Variants in RAD54L2 observed in about 807,000 individuals in gnomAD.
The protein encoded by RAD54L2 is RAD54 like 2.
Under a neutral mutation model 138.4 loss-of-function variants are expected in RAD54L2, and 27 were observed. The ratio of observed to expected loss-of-function variants is 0.20; its 90% CI spans 0.14 to 0.27. RAD54L2 has a LOEUF of 0.27. Among genes scored for constraint, RAD54L2 ranks in the 10% least tolerant of loss-of-function variants. The pLI is 1.00. For missense variants in RAD54L2, 1,396 were observed against 1,890.2 expected, an observed-to-expected ratio of 0.74 and a Z score of 4.85; for synonymous variants, 644 against 723.2, an observed-to-expected ratio of 0.89 and a Z score of 1.76.
chr3:51,584,780 G>C (rs1041687913), intron 2 of RAD54L2, among the ~76,000 whole-genome samples: 43 of 150,992 alleles, frequency 2.8e-4, no homozygotes, highest in African/African-American at 1.0e-3. Flanking sequence ...TGGACTGAAT[G>C]TTTTCCTGCT....
Position 51,645,790 on chromosome 3 carries a change from C to T in RAD54L2, c.2829+27C>T. On this transcript the variant is annotated intron_variant, in intron 18 of 22. Coordinates refer to ENST00000684192, the MANE Select transcript of RAD54L2 (RefSeq NM_015106.4). This position sits in a 1 kb window ranked among gnomAD's most constrained non-coding sequence, Gnocchi z 6.1. Reference sequence around the variant, plus strand: ...TAAGAACTTGGTATGCATGCAATCCCCAGAGTGGCAGTCTCTCTGTCAAAG... The same window carrying T: ...TAAGAACTTGGTATGCATGCAATCCTCAGAGTGGCAGTCTCTCTGTCAAAG... 6.3e-7 allele frequency: 1 copy of T among 1,580,380 alleles called. No individual in the cohort carries two copies.
intron 12 of RAD54L2, 140 bp from the exon 13 acceptor site, chr3:51,639,279 G>A: frequency 1.0e-6 from 1 of 1,002,718 alleles, no homozygotes; most frequent in Non-Finnish European, 1.5e-6. Flanking sequence ...TGGCTGTGAA[G>A]GGCTCTGACT....
rs976812280 is a variant in RAD54L2, at chr3:51,644,948, G to C, written c.2451-76G>C. ...AGGACAGAGTAATATTGGGGTAGAA[G>C]TCACAGAGGGCAAAACTGATTTGAA... On this transcript the variant is annotated intron_variant, in intron 16 of 22. Transcript: ENST00000684192. 32 of 1,485,356 alleles carry C rather than the reference G, an allele frequency of 2.2e-5. No individual in the cohort carries two copies. The African/African-American group carries it at 4.3e-4, about 20-fold the overall frequency. The allele number at this position is 1,485,356 out of a possible 1,614,324, so 92.0% of individuals were successfully genotyped here.
At chr3:51,628,181 G>A (rs1700739019) in intron 4 of RAD54L2, among the ~76,000 whole-genome samples, 1 of 151,942 alleles carries the variant, frequency 6.6e-6, no homozygotes, top group South Asian at 2.1e-4. Context: ...CCTTCTAAGA[G>A]CAAAAATGTG....
At chr3:51,566,480 T>G (rs1391913888) in intron 2 of RAD54L2, among the ~76,000 whole-genome samples, 2 of 134,980 alleles carry the variant, frequency 1.5e-5, no homozygotes, top group Admixed American at 7.5e-5. Context: ...TTTTTTTTTT[T>G]TTTTTTTTTT....
Position 51,645,626 on chromosome 3 carries a change from T to C in RAD54L2, c.2692T>C (p.Phe898Leu). 1 of 1,612,696 alleles carries C rather than the reference T, an allele frequency of 6.2e-7. No individual in the cohort carries two copies. The highest frequency in any genetic ancestry group is 8.5e-7 in the Non-Finnish European group (1 of 1,179,436). ...VVDDLNPMLN[F>L]TRKEVENLLH... is the part of the protein sequence containing the mutation. ...GGATGATCTAAATCCAATGCTGAACTTCACACGGAAAGAGGTGGAAAACCT... is the reference window on the plus strand; with the variant it reads ...GGATGATCTAAATCCAATGCTGAACCTCACACGGAAAGAGGTGGAAAACCT... The change falls in exon 18 of 23, where the codon TTC becomes CTC. Residue 898 changes from phenylalanine (F) to leucine (L), a missense_variant. Physicochemically the swap from Phe to Leu is conservative, Grantham distance 22. This residue lies in a region of RAD54L2 where 78 missense variants were observed against 171.6 expected (regional missense o/e 0.45). Transcript: ENST00000684192. This position sits in a 1 kb window ranked among gnomAD's most constrained non-coding sequence, Gnocchi z 6.1.
intron 19 of RAD54L2, among the ~76,000 whole-genome samples, chr3:51,651,032 A>G (rs1445596749): frequency 6.6e-6 from 1 of 152,084 alleles, no homozygotes; most frequent in Non-Finnish European, 1.5e-5. Context: ...AATAGATAGA[A>G]CACTAGCAAG....
intron 3 of RAD54L2, among the ~76,000 whole-genome samples, chr3:51,599,034 T>C (rs1700028819): frequency 6.6e-6 from 1 of 152,160 alleles, no homozygotes; most frequent in African/African-American, 2.4e-5. Flanking sequence ...CGGGGGGCAG[T>C]CTTGTGACTG....
In RAD54L2 at chr3:51,663,174, C is replaced by T. The variant is rs1286449567; in HGVS notation, c.4158C>T (p.Phe1386=). The T allele has an allele frequency of 6.2e-7, 1 of 1,614,030 alleles. No individual in the cohort carries two copies. The highest frequency in any genetic ancestry group is 8.5e-7 in the Non-Finnish European group (1 of 1,179,894). Residue 1386 remains phenylalanine (F), a synonymous_variant, in exon 23 of 23, where the codon TTC becomes TTT. Coordinates refer to ENST00000684192, the MANE Select transcript of RAD54L2 (RefSeq NM_015106.4). The stretch of plus-strand genomic sequence containing the variant: ...TACTACCCAGCTATTCACTCCCATT[C>T]TCACAGCCACTCCTGTCCGAGCCGA... The part of the protein sequence containing the change: ...PGILPSYSLP[F]SQPLLSEPRM...
chr3:51,554,275 G>A (rs1698911784), intron 2 of RAD54L2, among the ~76,000 whole-genome samples: 1 of 151,740 alleles, frequency 6.6e-6, no homozygotes, highest in Admixed American at 6.6e-5. Context: ...GCTGAGGCAG[G>A]AGAATCTCTT....
At chr3:51,616,361 A>C (rs1700441492) in intron 3 of RAD54L2, among the ~76,000 whole-genome samples, 1 of 152,102 alleles carries the variant, frequency 6.6e-6, no homozygotes, top group South Asian at 2.1e-4. Flanking sequence ...ATTCTTTTTA[A>C]ACGTGTTCAT....
At chr3:51,578,584 G>A (rs1699535103) in intron 2 of RAD54L2, among the ~76,000 whole-genome samples, 1 of 152,146 alleles carries the variant, frequency 6.6e-6, no homozygotes, top group Admixed American at 6.5e-5. Context: ...GGGAACTGGA[G>A]TACATGGGGA....
At chr3:51,609,353 T>A (rs1222844869) in intron 3 of RAD54L2, among the ~76,000 whole-genome samples, 1 of 152,228 alleles carries the variant, frequency 6.6e-6, no homozygotes, top group Non-Finnish European at 1.5e-5. Flanking sequence ...GCTTGCTTTA[T>A]CCCTTCTCTT....
intron 19 of RAD54L2, among the ~76,000 whole-genome samples, chr3:51,652,544 T>C (rs955158207): frequency 2.0e-5 from 3 of 152,172 alleles, no homozygotes; most frequent in African/African-American, 7.2e-5. Flanking sequence ...AAGGCTACGG[T>C]AACCAAAACA....
At chr3:51,558,459 T>TTCTCTCTCTCTC (rs71633077) in intron 2 of RAD54L2, among the ~76,000 whole-genome samples, 4 of 149,778 alleles carry the variant, frequency 2.7e-5, no homozygotes, top group East Asian at 3.9e-4. Flanking sequence ...GAAGGTCCAC[T>TTCTCTCTCTCTC]TCTCTCTCTC....
intron 3 of RAD54L2, among the ~76,000 whole-genome samples, chr3:51,620,259 T>TG (rs1300580439): frequency 8.5e-5 from 9 of 106,346 alleles, no homozygotes; most frequent in African/African-American, 4.0e-4. Flanking sequence ...GCTCAGCTAA[T>TG]TTTTTTTTTT....
At chr3:51,558,978 A>G (rs954619194) in intron 2 of RAD54L2, among the ~76,000 whole-genome samples, 4 of 152,048 alleles carry the variant, frequency 2.6e-5, no homozygotes, top group African/African-American at 7.2e-5. Flanking sequence ...CGTTTAAGCA[A>G]TTCTACTGCC....
intron 2 of RAD54L2, among the ~76,000 whole-genome samples, chr3:51,573,303 G>A (rs1427240212): frequency 1.3e-5 from 2 of 152,092 alleles, no homozygotes; most frequent in Non-Finnish European, 2.9e-5. Context: ...GAGGAAGAAG[G>A]AAAGAGACTC....
At chr3:51,624,947 T>C (rs1257518467) in intron 3 of RAD54L2, among the ~76,000 whole-genome samples, 1 of 152,122 alleles carries the variant, frequency 6.6e-6, no homozygotes, top group Non-Finnish European at 1.5e-5. Context: ...TAGTGGTGGC[T>C]GAGTGCATAG....
Sources: allele counts gnomAD v4.1 joint callset (sites outside exome capture counted in the v4.1 genomes callset), GRCh38; gene constraint gnomAD v4.1.1; regional missense constraint gnomAD v4.1.1; non-coding constraint Gnocchi (gnomAD v3.1); transcripts MANE v1.5; gene names NCBI Gene and HGNC (gene_info 2026-07-23, HGNC 2026-07-21).